The following PHACTR2 variants were observed in gnomAD, a reference collection of about 807,000 sequenced individuals.
The protein encoded by PHACTR2 is chromosome 6 open reading frame 56.
A neutral mutation model predicts 76.0 loss-of-function variants in PHACTR2; 30 were observed. The ratio of observed to expected loss-of-function variants is 0.39; its 90% CI spans 0.30 to 0.54. The LOEUF is 0.54. Among genes scored for constraint, PHACTR2 ranks in the 20% least tolerant of loss-of-function variants. PHACTR2 has a pLI of 0.61. For synonymous variants in PHACTR2, 292 were observed against 292.5 expected (o/e 1.00, Z 0.02); for missense variants, 696 against 781.1 (o/e 0.89, Z 1.30).
At chr6:143,748,123 T>C (rs942595981) in intron 2 of PHACTR2, among the ~76,000 whole-genome samples, 1 of 152,114 alleles carries the variant, frequency 6.6e-6, no homozygotes, top group African/African-American at 2.4e-5. Flanking sequence ...TGGAGTGCAA[T>C]GGCACGATCT....
rs1776847214 is a variant in PHACTR2, at chr6:143,656,182, A to G, written c.13+47860A>G. 6.6e-6 allele frequency among the ~76,000 whole-genome samples: 1 copy of G among 152,230 alleles called. No homozygotes were observed. ...ACTTCTAGCAGGGTTGTCTGGTGGG[A>G]CATGCCCTGGGATATGGGGTCAGTC... is the stretch of plus-strand genomic sequence containing the variant. On this transcript the variant is annotated intron_variant, in intron 1 of 11. Coordinates refer to the PHACTR2 transcript ENST00000305766. The surrounding 1 kb of genome is among the most constrained non-coding windows in gnomAD (Gnocchi z 5.3).
Position 143,733,992 on chromosome 6 carries a change from T to C in PHACTR2, c.215-14993T>C, listed in dbSNP as rs192120809. Among the ~76,000 whole-genome samples, 20 of 152,278 alleles carry C rather than the reference T, an allele frequency of 1.3e-4. No homozygotes were observed. In the East Asian group the frequency reaches 3.9e-3, roughly 29 times the overall value. ...CTAAATATAAAGGAGACTAATTATT[T>C]CTCCCCTTTTCTTCTCCCAGTAGAA... On this transcript the variant is annotated intron_variant, in intron 2 of 12. Coordinates refer to ENST00000440869, the MANE Select transcript of PHACTR2 (RefSeq NM_001100164.2). The surrounding 1 kb of genome is among the most constrained non-coding windows in gnomAD (Gnocchi z 4.0).
At chr6:143,749,667 C>T (rs1319569796) in intron 3 of PHACTR2, among the ~76,000 whole-genome samples, 1 of 152,056 alleles carries the variant, frequency 6.6e-6, no homozygotes, top group Admixed American at 6.6e-5. Flanking sequence ...CTAATTTTTT[C>T]CCCTATCTCT....
chr6:143,690,549 G>T (rs545277028), intron 1 of PHACTR2, among the ~76,000 whole-genome samples: 11 of 152,182 alleles, frequency 7.2e-5, no homozygotes, highest in African/African-American at 2.7e-4. Context: ...CGAGAGCTTG[G>T]CTGGGACATA....
chr6:143,772,410 A>T lies in PHACTR2; in HGVS notation c.1385A>T (p.Tyr462Phe). The T allele has an allele frequency of 6.2e-7, 1 of 1,614,184 alleles. No individual in the cohort carries two copies. The highest frequency in any genetic ancestry group is 8.5e-7 in the Non-Finnish European group (1 of 1,180,036). Residue 462 changes from tyrosine to phenylalanine, a missense_variant, in exon 7 of 13, where the codon TAC (tyrosine) becomes TTC (phenylalanine). This residue lies in a region of PHACTR2 where 236 missense variants were observed against 330.2 expected (regional missense o/e 0.71). Transcript: ENST00000440869. The surrounding 1 kb of genome is among the most constrained non-coding windows in gnomAD (Gnocchi z 5.4). ...NDSDSDGPIL[Y>F]TDDEDEDEDE... ...TCTGACTCGGACGGGCCTATCTTGT[A>T]CACCGATGATGAGGACGAAGACGAA... is the stretch of plus-strand genomic sequence containing the variant.
Position 143,618,088 on chromosome 6 carries a change from C to A in PHACTR2, c.13+9766C>A, listed in dbSNP as rs1416060547. Among the ~76,000 whole-genome samples the A allele has an allele frequency of 1.3e-5, 2 of 152,126 alleles. No homozygotes were observed. Among genetic ancestry groups the A allele is most frequent in the Non-Finnish European group, 2.9e-5 (2 of 68,012 alleles). On this transcript the variant is annotated intron_variant, in intron 1 of 11. Coordinates refer to the PHACTR2 transcript ENST00000305766. This position sits in a 1 kb window ranked among gnomAD's most constrained non-coding sequence, Gnocchi z 5.2. ...GGTACATTATTAGACCCCCAAATAG[C>A]ACTGCTATGATTTAATCATCACTAA...
At chr6:143,701,993 T>C (rs1197738021) in intron 1 of PHACTR2, among the ~76,000 whole-genome samples, 2 of 152,134 alleles carry the variant, frequency 1.3e-5, no homozygotes, top group African/African-American at 4.8e-5. Flanking sequence ...GTCACAGGGC[T>C]GATTAAGTAG....
chr6:143,686,093 T>C (rs1777513907), intron 1 of PHACTR2, among the ~76,000 whole-genome samples: 2 of 151,148 alleles, frequency 1.3e-5, no homozygotes, highest in Admixed American at 6.6e-5. Context: ...GATTGCACCA[T>C]TGTACTCCAG....
chr6:143,621,366 C>T lies in PHACTR2; in HGVS notation c.13+13044C>T, dbSNP rs1218032175. Among the ~76,000 whole-genome samples, 1 of 152,182 alleles carries T rather than the reference C, an allele frequency of 6.6e-6. No individual in the cohort carries two copies. Reference sequence around the variant, plus strand: ...GTGGATCCCGAGCCCTCTCAGGCCTCCTCGGTGCAGAAGGGCAAATCCTTC... The same window carrying T: ...GTGGATCCCGAGCCCTCTCAGGCCTTCTCGGTGCAGAAGGGCAAATCCTTC... On this transcript the variant is annotated intron_variant, in intron 1 of 11. Coordinates refer to the PHACTR2 transcript ENST00000305766. This position sits in a 1 kb window ranked among gnomAD's most constrained non-coding sequence, Gnocchi z 4.1.
intron 12 of PHACTR2, among the ~76,000 whole-genome samples, chr6:143,810,747 G>A (rs538526803): frequency 2.7e-4 from 41 of 151,800 alleles, no homozygotes; most frequent in African/African-American, 8.2e-4. Context: ...TGAGAGAATC[G>A]CCTGAGCCCA....
In PHACTR2 at chr6:143,541,530, C is replaced by G. The variant is rs1781170516; in HGVS notation, c.217+4323C>G. Among the ~76,000 whole-genome samples the G allele has an allele frequency of 6.6e-6, 1 of 152,202 alleles. No individual in the cohort carries two copies. Among genetic ancestry groups the G allele is most frequent in the African/African-American group, 2.4e-5 (1 of 41,454 alleles). ...AAAAAAAGCAGTATAGGTGTGTGGA[C>G]CACTTCATTAGCTTAATGTGCAAGT... On this transcript the variant is annotated intron_variant, in intron 1 of 11. Transcript: ENST00000367584. This position sits in a 1 kb window ranked among gnomAD's most constrained non-coding sequence, Gnocchi z 5.3.
chr6:143,673,265 G>A (rs907349995), upstream of PHACTR2, among the ~76,000 whole-genome samples: 5 of 152,000 alleles, frequency 3.3e-5, no homozygotes, highest in East Asian at 1.9e-4. Context: ...AGACAGACTC[G>A]ATATTCTCTT....
chr6:143,714,410 A>G (rs1415968961), intron 2 of PHACTR2, among the ~76,000 whole-genome samples: 3 of 152,216 alleles, frequency 2.0e-5, no homozygotes, highest in Non-Finnish European at 4.4e-5. Flanking sequence ...AGTAGATAGG[A>G]TGTAACACTA....
chr6:143,655,229 T>C lies in PHACTR2; in HGVS notation c.13+46907T>C, dbSNP rs80180899. Among the ~76,000 whole-genome samples, 235 of 151,750 alleles carry C rather than the reference T, an allele frequency of 1.5e-3. 3 individuals are homozygous for C. The East Asian group carries it at 0.024, about 15-fold the overall frequency. On this transcript the variant is annotated intron_variant, in intron 1 of 11. Transcript: ENST00000305766. ...AAGTGAAAGAAACCAGGATGAACGT[T>C]GTATGATTCTATTTATATGAAATGT...
chr6:143,539,611 G>A lies in PHACTR2; in HGVS notation c.217+2404G>A, dbSNP rs551099710. On this transcript the variant is annotated intron_variant, in intron 1 of 11. Coordinates refer to the PHACTR2 transcript ENST00000367584. This position sits in a 1 kb window ranked among gnomAD's most constrained non-coding sequence, Gnocchi z 4.3. Reference sequence around the variant, plus strand: ...AAACATTCCTTGGCCTAACACTATAGTAGCCCAATTTCCAGCCCTTCTCCA... The same window carrying A: ...AAACATTCCTTGGCCTAACACTATAATAGCCCAATTTCCAGCCCTTCTCCA... Among the ~76,000 whole-genome samples the A allele has an allele frequency of 6.6e-6, 1 of 152,262 alleles. No individual in the cohort carries two copies. The highest frequency in any genetic ancestry group is 2.1e-4 in the South Asian group (1 of 4,830).
rs1378211814 is a variant in PHACTR2 at position 143,554,953 on chromosome 6, T to A, written c.217+17746T>A. The A allele has an allele frequency of 6.6e-6, 1 of 152,350 alleles. No individual in the cohort carries two copies. The highest frequency in any genetic ancestry group is 1.9e-4 in the East Asian group (1 of 5,188). 9.4% of individuals were successfully genotyped at this position (152,350 alleles called of 1,614,324 possible). A position where few individuals can be genotyped will look rare whatever the true frequency, so the allele number is the denominator to read the frequency against. ...TAAATAATCCTTTGTGGTATATACA[T>A]TGGAAGTATTTTTCTGCTATTTGGT... On this transcript the variant is annotated intron_variant, in intron 1 of 11. Coordinates refer to the PHACTR2 transcript ENST00000367584. This position sits in a 1 kb window ranked among gnomAD's most constrained non-coding sequence, Gnocchi z 5.9.
At position 143,787,298 on chromosome 6, in the gene PHACTR2, G is replaced by A. The variant is rs1775578910; in HGVS notation, c.1708-1475G>A. ...TCACTTTCCTTCTAGCCAGTTCTTA[G>A]GAGCAAGGGCTTCTCTACCTCCTTA... On this transcript the variant is annotated intron_variant, in intron 10 of 12. Transcript: ENST00000440869. This position sits in a 1 kb window ranked among gnomAD's most constrained non-coding sequence, Gnocchi z 4.6. Among the ~76,000 whole-genome samples, 1 of 152,240 alleles carries A rather than the reference G, an allele frequency of 6.6e-6. No individual in the cohort carries two copies. Among genetic ancestry groups the A allele is most frequent in the South Asian group, 2.1e-4 (1 of 4,832 alleles).
rs1231346570 is a variant in PHACTR2 at position 143,793,950 on chromosome 6, A to G, written c.1845+5040A>G. 6.6e-6 allele frequency among the ~76,000 whole-genome samples: 1 copy of G among 152,070 alleles called. No homozygotes were observed. Among genetic ancestry groups the G allele is most frequent in the Non-Finnish European group, 1.5e-5 (1 of 68,022 alleles). ...AATAAATAATATGGTACACTTTTTA[A>G]AGATAAAAAATAGAAAAATGCAACA... On this transcript the variant is annotated intron_variant, in intron 11 of 12. Coordinates refer to ENST00000440869, the MANE Select transcript of PHACTR2 (RefSeq NM_001100164.2). This position sits in a 1 kb window ranked among gnomAD's most constrained non-coding sequence, Gnocchi z 4.4.
intron 1 of PHACTR2, among the ~76,000 whole-genome samples, chr6:143,626,407 G>C (rs1776258253): frequency 6.6e-6 from 1 of 151,952 alleles, no homozygotes; most frequent in African/African-American, 2.4e-5. Flanking sequence ...CGCGGTGGTG[G>C]GCGCCTTTAG....
Sources: allele counts gnomAD v4.1 joint callset (sites outside exome capture counted in the v4.1 genomes callset), GRCh38; gene constraint gnomAD v4.1.1; regional missense constraint gnomAD v4.1.1; non-coding constraint Gnocchi (gnomAD v3.1); transcripts MANE v1.5; gene names NCBI Gene and HGNC (gene_info 2026-07-23, HGNC 2026-07-21).